CNTLN: variants seen among roughly 807,000 people sequenced by gnomAD.
CNTLN encodes the protein centlein.
CNTLN carries 212 observed loss-of-function variants against 180.0 expected under a neutral mutation model. That is an observed-to-expected ratio of 1.18 (90% CI 1.05 to 1.32). The LOEUF (loss-of-function observed/expected upper bound fraction) is 1.32, where lower values mean the gene tolerates loss of function less well. Among genes scored for constraint, CNTLN ranks in the 40% most tolerant of loss-of-function variants. CNTLN has a pLI of 0.00. For missense variants in CNTLN, 2,095 were observed against 1,610.9 expected, an observed-to-expected ratio of 1.30 and a Z score of -5.14; for synonymous variants, 722 against 563.1, an observed-to-expected ratio of 1.28 and a Z score of -3.99.
intron 5 of CNTLN, among the ~76,000 whole-genome samples, chr9:17,259,106 G>C (rs1174204831): frequency 1.4e-5 from 2 of 143,846 alleles, no homozygotes; most frequent in African/African-American, 5.4e-5. Flanking sequence ...TATTGGCTGT[G>C]GGTTTGTCAT....
At chr9:17,523,179 C>T in the CNTLN span, among the ~76,000 whole-genome samples, 2 of 152,116 alleles carry the variant, frequency 1.3e-5, no homozygotes, top group South Asian at 2.1e-4. Context: ...GCCTTATAAC[C>T]ATAATATTGG....
At chr9:17,464,408 C>T in intron 20 of CNTLN, 89 bp from the exon 21 acceptor site, 5 of 1,098,548 alleles carry the variant, frequency 4.6e-6, no homozygotes, top group Non-Finnish European at 6.5e-6. Flanking sequence ...TAAAAAGTAA[C>T]AGTAGGTATA....
At chr9:17,200,816 C>A (rs914144405) in intron 2 of CNTLN, among the ~76,000 whole-genome samples, 1 of 151,932 alleles carries the variant, frequency 6.6e-6, no homozygotes, top group Non-Finnish European at 1.5e-5. Flanking sequence ...ATGTGAATAC[C>A]CTTTATTTAT....
rs113991871 is a variant in CNTLN at position 17,153,467 on chromosome 9, A to C, written c.449+10091A>C. Among the ~76,000 whole-genome samples the C allele has an allele frequency of 1.6e-3, 243 of 152,314 alleles. 2 individuals are homozygous for C. The highest frequency in any genetic ancestry group is 5.7e-3 in the African/African-American group (235 of 41,562). ...TGGTTTGAAAATTGTTTTCTTTAAG[A>C]ACATTGAATATTGGCCTTAACTCTC... On this transcript the variant is annotated intron_variant, in intron 2 of 25. Coordinates refer to ENST00000380647, the MANE Select transcript of CNTLN (RefSeq NM_017738.4).
intron 25 of CNTLN, among the ~76,000 whole-genome samples, chr9:17,497,753 T>C (rs1301748941): frequency 6.6e-6 from 1 of 152,204 alleles, no homozygotes; most frequent in Non-Finnish European, 1.5e-5. Context: ...TGACTCAAAA[T>C]TCAGTGCCAA....
rs181140107 is a variant in CNTLN at position 17,393,809 on chromosome 9, C to G, written c.2080-725C>G. On this transcript the variant is annotated intron_variant, in intron 14 of 25. Coordinates refer to ENST00000380647, the MANE Select transcript of CNTLN (RefSeq NM_017738.4). ...GAATTAATTGCCCAGACTTATGATA[C>G]TTAGATTATATCCTTTATTAGGTTT... Among the ~76,000 whole-genome samples, 32 of 152,228 alleles carry G rather than the reference C, an allele frequency of 2.1e-4. No individual in the cohort carries two copies. In the East Asian group the frequency reaches 6.2e-3, roughly 29 times the overall value.
At chr9:17,473,998 G>T (rs1442319115) in intron 23 of CNTLN, among the ~76,000 whole-genome samples, 1 of 152,040 alleles carries the variant, frequency 6.6e-6, no homozygotes, top group African/African-American at 2.4e-5. Flanking sequence ...TGACTTCTTT[G>T]CTAGTTCTCA....
At chr9:17,397,338 C>A (rs1301024291) in intron 15 of CNTLN, among the ~76,000 whole-genome samples, 3 of 152,100 alleles carry the variant, frequency 2.0e-5, no homozygotes, top group African/African-American at 7.2e-5. Context: ...AGAGCAGTCC[C>A]CAGGGGCTGC....
At chr9:17,443,257 C>T (rs1284635536) in intron 18 of CNTLN, among the ~76,000 whole-genome samples, 1 of 152,156 alleles carries the variant, frequency 6.6e-6, no homozygotes. Flanking sequence ...TGCTTGTCTC[C>T]ACAGAATCTG....
intron 16 of CNTLN, among the ~76,000 whole-genome samples, chr9:17,412,481 A>T (rs1827925553): frequency 6.6e-6 from 1 of 152,176 alleles, no homozygotes; most frequent in Non-Finnish European, 1.5e-5. Context: ...TTTCTACTTT[A>T]TGTTGGTGTG....
chr9:17,201,764 C>G (rs1190685531), intron 2 of CNTLN, among the ~76,000 whole-genome samples: 1 of 151,546 alleles, frequency 6.6e-6, no homozygotes. Context: ...TCTATTTTGT[C>G]AATCTTTTCA....
chr9:17,373,275 A>G lies in CNTLN; in HGVS notation c.1987+6558A>G, dbSNP rs73426148. Among the ~76,000 whole-genome samples the G allele has an allele frequency of 6.6e-3, 1,004 of 152,304 alleles. 11 individuals are homozygous for G. Among genetic ancestry groups the G allele is most frequent in the African/African-American group, 0.022 (925 of 41,586 alleles). On this transcript the variant is annotated intron_variant, in intron 13 of 25. Coordinates refer to ENST00000380647, the MANE Select transcript of CNTLN (RefSeq NM_017738.4). ...ATTAGAAAGGATAAACAAATTCAGT[A>G]AAGTGGAGGATACAAAATCAACATA...
rs567411291 is a variant in CNTLN at position 17,384,709 on chromosome 9, C to G, written c.1988-3453C>G. 1.2e-4 allele frequency among the ~76,000 whole-genome samples: 19 copies of G among 152,244 alleles called. No homozygotes were observed. The East Asian group carries it at 3.5e-3, about 28-fold the overall frequency. On this transcript the variant is annotated intron_variant, in intron 13 of 25. Transcript: ENST00000380647. ...AACAATTTTAAATTAACACAAAAAC[C>G]AAAAACTTTTTCATGGCAGTTCTTG...
At chr9:17,265,435 C>T (rs531184261) in intron 5 of CNTLN, among the ~76,000 whole-genome samples, 71 of 152,182 alleles carry the variant, frequency 4.7e-4, no homozygotes, top group African/African-American at 1.6e-3. Context: ...CTGCTGGATT[C>T]GGTTTGCCAG....
At chr9:17,231,195 ATTG>A (rs1158189355) in intron 3 of CNTLN, among the ~76,000 whole-genome samples, 1 of 152,120 alleles carries the variant, frequency 6.6e-6, no homozygotes, top group East Asian at 1.9e-4. Context: ...CCTCCATTGA[ATTG>A]TTGTTGTTCC....
Position 17,394,700 on chromosome 9 carries a change from G to T in CNTLN, c.2246G>T (p.Gly749Val). The T allele has an allele frequency of 1.2e-6, 2 of 1,613,838 alleles. No homozygotes were observed. Among genetic ancestry groups the T allele is most frequent in the Non-Finnish European group, 1.7e-6 (2 of 1,179,924 alleles). ...AAAGAGCTAGAACAGATAATAAAGG[G>T]GAGTAAAGATGTAGAAAAAGAAAAT... ...REKELEQIIKGSKDVEKENTE... is the reference protein window; with the variant it reads ...REKELEQIIKVSKDVEKENTE... Residue 749 changes from glycine (G) to valine (V), a missense_variant, in exon 15 of 26, where the codon GGG (glycine) becomes GTG (valine). By Grantham distance (109) the Gly-to-Val change is moderately radical. Coordinates refer to ENST00000380647, the MANE Select transcript of CNTLN (RefSeq NM_017738.4).
chr9:17,334,910 TA>T (rs71303378), intron 10 of CNTLN, among the ~76,000 whole-genome samples: 3,269 of 122,566 alleles, frequency 0.027, 59 homozygotes, highest in African/African-American at 0.063. Context: ...AATCTAAAAT[TA>T]AAAAAAAAAA....
chr9:17,166,770 A>G, intron 2 of CNTLN: 1 of 297,118 alleles, frequency 3.4e-6, no homozygotes, highest in Non-Finnish European at 6.7e-6. Flanking sequence ...AATAATAAAG[A>G]CGTTTTCTGT....
At chr9:17,379,051 GA>G (rs1318289495) in intron 13 of CNTLN, among the ~76,000 whole-genome samples, 1 of 138,428 alleles carries the variant, frequency 7.2e-6, no homozygotes, top group Admixed American at 7.2e-5. Flanking sequence ...TACATTGACA[GA>G]TTTTTTTTTT....
Sources: allele counts gnomAD v4.1 joint callset (sites outside exome capture counted in the v4.1 genomes callset), GRCh38; gene constraint gnomAD v4.1.1; transcripts MANE v1.5; gene names NCBI Gene and HGNC (gene_info 2026-07-23, HGNC 2026-07-21).